Variants in ANGPT4 observed in about 807,000 individuals in gnomAD.
ANGPT4 encodes angiopoietin 4.
Under a neutral mutation model 53.0 loss-of-function variants are expected in ANGPT4, and 50 were observed. That is an observed-to-expected ratio of 0.94 (90% CI 0.75 to 1.20). ANGPT4 has a LOEUF of 1.20. Ranked by LOEUF, ANGPT4 falls within the 50% of genes most tolerant of loss-of-function variation. ANGPT4 has a pLI of 0.00. For synonymous variants in ANGPT4, 251 were observed against 259.7 expected, an observed-to-expected ratio of 0.97 and a Z score of 0.32; for missense variants, 648 against 637.1, an observed-to-expected ratio of 1.02 and a Z score of -0.18.
At chr20:875,717 A>T (rs1981138376) in intron 7 of ANGPT4, among the ~76,000 whole-genome samples, 2 of 152,104 alleles carry the variant, frequency 1.3e-5, no homozygotes, top group African/African-American at 4.8e-5. Context: ...GCTTGTTATT[A>T]TTTGGCCCTT....
Position 878,145 on chromosome 20 carries a change from T to C in ANGPT4, c.1220+16A>G. On this transcript the variant is annotated intron_variant, in intron 7 of 8. Coordinates refer to ENST00000381922, the MANE Select transcript of ANGPT4 (RefSeq NM_015985.4). ...GAAGACCCCAGCCCCCACAACGGCCTGGGCCCCGAACCCACCTGTATAGCT... is the reference window on the plus strand; with the variant it reads ...GAAGACCCCAGCCCCCACAACGGCCCGGGCCCCGAACCCACCTGTATAGCT... 1 of 1,577,552 alleles carries C rather than the reference T, an allele frequency of 6.3e-7. No homozygotes were observed. The highest frequency in any genetic ancestry group is 8.7e-7 in the Non-Finnish European group (1 of 1,152,126).
intron 2 of ANGPT4, 115 bp from the exon 3 acceptor site, chr20:888,554 C>T (rs1981709745): frequency 2.7e-6 from 4 of 1,466,632 alleles, no homozygotes; most frequent in South Asian, 2.8e-5. Context: ...TTTCCACTCT[C>T]CCAGTCGTAG....
chr20:874,093 G>A (rs1981061419), intron 8 of ANGPT4, among the ~76,000 whole-genome samples, 191 bp downstream of exon 8: 1 of 152,176 alleles, frequency 6.6e-6, no homozygotes, highest in Non-Finnish European at 1.5e-5. Flanking sequence ...GAGACCTGGA[G>A]GGGACTTCAA....
In ANGPT4 at chr20:878,196, T is replaced by A. The variant is rs762660025; in HGVS notation, c.1185A>T (p.Glu395Asp). 6.2e-7 allele frequency: 1 copy of A among 1,606,622 alleles called. No individual in the cohort carries two copies. The highest frequency in any genetic ancestry group is 1.7e-4 in the Middle Eastern group (1 of 5,934). ...GGTTCTCACTGCCCAGGTGGAAATG[T>A]TCGTACTGGGCATAGGCCTCGTGGC... ...WEGHEAYAQY[E>D]HFHLGSENQL... Residue 395 changes from glutamate to aspartate, a missense_variant, in exon 7 of 9, where the codon GAA (glutamate) becomes GAT (aspartate). Coordinates refer to ENST00000381922, the MANE Select transcript of ANGPT4 (RefSeq NM_015985.4).
At chr20:878,477 G>T (rs1981262379) in intron 6 of ANGPT4, 150 bp from the exon 7 acceptor site, 2 of 646,312 alleles carry the variant, frequency 3.1e-6, no homozygotes, top group Admixed American at 3.4e-5. Flanking sequence ...AGGCAGGACT[G>T]GGAGTAGGAG....
intron 1 of ANGPT4, among the ~76,000 whole-genome samples, chr20:893,376 T>C (rs1981923064): frequency 6.6e-6 from 1 of 152,258 alleles, no homozygotes; most frequent in African/African-American, 2.4e-5. Flanking sequence ...ATGCTATGCC[T>C]GATCACAGAT....
rs990390329 is a variant in ANGPT4, at chr20:908,053, C to A, written c.309+7853G>T. The stretch of plus-strand genomic sequence containing the variant: ...AGCTCTTTCTATGTGCCTGTCTTGC[C>A]TTCTTGGTGGCTGAGGCTGATCCTG... On this transcript the variant is annotated intron_variant, in intron 1 of 8. Transcript: ENST00000381922. This position sits in a 1 kb window ranked among gnomAD's most constrained non-coding sequence, Gnocchi z 4.9. Among the ~76,000 whole-genome samples, 1 of 152,152 alleles carries A rather than the reference C, an allele frequency of 6.6e-6. No individual in the cohort carries two copies. Among genetic ancestry groups the A allele is most frequent in the Non-Finnish European group, 1.5e-5 (1 of 68,026 alleles).
In ANGPT4 at chr20:904,056, C is replaced by CTG. The variant is rs959767281; in HGVS notation, c.309+11848_309+11849dup. On this transcript the variant is annotated intron_variant, in intron 1 of 8. Coordinates refer to ENST00000381922, the MANE Select transcript of ANGPT4 (RefSeq NM_015985.4). ...ATCTGGAGGGTCAGATCTTACCTAG[C>CTG]TGTGTGTGTGTGTTTCAACTTAAAT... Among the ~76,000 whole-genome samples the CTG allele has an allele frequency of 1.8e-4, 27 of 152,086 alleles. 1 individual carries two copies. The highest frequency in any genetic ancestry group is 4.8e-4 in the African/African-American group (20 of 41,410).
chr20:901,557 A>T (rs1982289276), intron 1 of ANGPT4, among the ~76,000 whole-genome samples: 1 of 152,188 alleles, frequency 6.6e-6, no homozygotes, highest in Non-Finnish European at 1.5e-5. Flanking sequence ...TATTGCTCAC[A>T]CAAAGCCTGT....
intron 1 of ANGPT4, among the ~76,000 whole-genome samples, chr20:912,714 G>T (rs972959019): frequency 1.3e-5 from 2 of 152,064 alleles, no homozygotes; most frequent in African/African-American, 4.8e-5. Context: ...AAGAGGTGAG[G>T]CCGGGGCTCT....
intron 3 of ANGPT4, among the ~76,000 whole-genome samples, chr20:887,887 G>GAGGAAGGAAGGAAGGAAGGAAGGAAGGA (rs59115029): frequency 6.6e-6 from 1 of 150,676 alleles, no homozygotes; most frequent in African/African-American, 2.5e-5. Context: ...ATAAAAGAAG[G>GAGGAAGGAAGGAAGGAAGGAAGGAAGGA]AGGAAGGAAG....
intron 6 of ANGPT4, among the ~76,000 whole-genome samples, chr20:878,708 A>G (rs1981270660): frequency 1.3e-5 from 2 of 152,220 alleles, no homozygotes; most frequent in Non-Finnish European, 2.9e-5. Flanking sequence ...GGTTAAATAC[A>G]TATCTAAAGG....
At position 904,106 on chromosome 20, in the gene ANGPT4, C is replaced by T. The variant is rs543551121; in HGVS notation, c.309+11800G>A. ...TGTAAATCTTTGTAATTTTATTTTT[C>T]GAATGGGTGATATAAACACATTGTT... On this transcript the variant is annotated intron_variant, in intron 1 of 8. Coordinates refer to ENST00000381922, the MANE Select transcript of ANGPT4 (RefSeq NM_015985.4). Among the ~76,000 whole-genome samples the T allele has an allele frequency of 7.7e-4, 117 of 152,238 alleles. 2 individuals carry two copies. The highest frequency in any genetic ancestry group is 2.4e-3 in the African/African-American group (101 of 41,538).
chr20:888,463 T>C, intron 2 of ANGPT4, 24 bp from the exon 3 acceptor site: 1 of 1,605,176 alleles, frequency 6.2e-7, no homozygotes, highest in Non-Finnish European at 8.5e-7. Flanking sequence ...CAGAAGCAGG[T>C]AGGGGGCTGC....
At chr20:878,841 G>A (rs763296736) in intron 6 of ANGPT4, among the ~76,000 whole-genome samples, 2 of 152,192 alleles carry the variant, frequency 1.3e-5, no homozygotes, top group East Asian at 1.9e-4. Flanking sequence ...CAGTGACAGC[G>A]CAGCCACTGC....
chr20:878,728 C>A (rs1981271455), intron 6 of ANGPT4, among the ~76,000 whole-genome samples: 1 of 152,174 alleles, frequency 6.6e-6, no homozygotes, highest in African/African-American at 2.4e-5. Context: ...GCTCACTGAG[C>A]CTTACACTTT....
Position 874,372 on chromosome 20 carries a change from G to A in ANGPT4, c.1263C>T (p.Ser421=), listed in dbSNP as rs1450748954. 1.9e-6 allele frequency: 3 copies of A among 1,613,988 alleles called. No homozygotes were observed. Among genetic ancestry groups the A allele is most frequent in the African/African-American group, 1.3e-5 (1 of 74,950 alleles). ...VGYSGSAGRQ[S]SLVLQNTSFS... ...AGCTGGTGTTCTGCAGGACCAGGCT[G>A]CTCTGGCGCCCTGCTGAGCCGCTGT... The change falls in exon 8 of 9, where the codon AGC becomes AGT. Residue 421 remains serine (S), a synonymous_variant. Transcript: ENST00000381922.
At chr20:912,825 C>T (rs1333908868) in intron 1 of ANGPT4, among the ~76,000 whole-genome samples, 3 of 151,926 alleles carry the variant, frequency 2.0e-5, no homozygotes, top group Non-Finnish European at 2.9e-5. Context: ...AAGGGAGCAC[C>T]AAGAGCATCC....
chr20:885,063 A>T lies in ANGPT4; in HGVS notation c.835+15T>A. On this transcript the variant is annotated intron_variant, in intron 4 of 8. Transcript: ENST00000381922. Reference sequence around the variant, plus strand: ...CCCGTCTTTAGCCACACTGGGGCGCACACCGCTCACTCACCCGGGGCCGAG... The same window carrying T: ...CCCGTCTTTAGCCACACTGGGGCGCTCACCGCTCACTCACCCGGGGCCGAG... 1 of 1,613,346 alleles carries T rather than the reference A, an allele frequency of 6.2e-7. No individual in the cohort carries two copies. Among genetic ancestry groups the T allele is most frequent in the Non-Finnish European group, 8.5e-7 (1 of 1,179,850 alleles).
Sources: allele counts gnomAD v4.1 joint callset (sites outside exome capture counted in the v4.1 genomes callset), GRCh38; gene constraint gnomAD v4.1.1; non-coding constraint Gnocchi (gnomAD v3.1); transcripts MANE v1.5; gene names NCBI Gene and HGNC (gene_info 2026-07-23, HGNC 2026-07-21).